The following ASXL3 variants were observed in gnomAD, a reference collection of about 807,000 sequenced individuals.
ASXL3 encodes putative Polycomb group protein ASXL3.
A neutral mutation model predicts 170.6 loss-of-function variants in ASXL3; 34 were observed. That is an observed-to-expected ratio of 0.20 (90% CI 0.15 to 0.27). The LOEUF (loss-of-function observed/expected upper bound fraction) is 0.27, where lower values mean the gene tolerates loss of function less well. ASXL3 is among the 10% of genes least tolerant of loss of function. The probability of loss-of-function intolerance (pLI) is 1.00; values close to 1 mark genes in which losing one functional copy is unlikely to be tolerated. For missense variants in ASXL3, 2,592 were observed against 2,695.3 expected (o/e 0.96, Z 0.85); for synonymous variants, 1,002 against 989.1 (o/e 1.01, Z -0.24).
At position 33,738,897 on chromosome 18, in the gene ASXL3, A is replaced by G. The variant is rs1269210841; in HGVS notation, c.1493A>G (p.Asn498Ser). 12 of 1,613,548 alleles carry G rather than the reference A, an allele frequency of 7.4e-6. No individual in the cohort carries two copies. The highest frequency in any genetic ancestry group is 1.3e-5 in the African/African-American group (1 of 74,918). Residue 498 changes from asparagine to serine, a missense_variant, in exon 11 of 12, where the codon AAC (asparagine) becomes AGC (serine). By Grantham distance (46) the Asn-to-Ser change is conservative (BLOSUM62 1). Coordinates refer to ENST00000269197, the MANE Select transcript of ASXL3 (RefSeq NM_030632.3). Reference protein sequence around the residue: ...EEPQIAPPEDNLESCVMMNDV... With the variant: ...EEPQIAPPEDSLESCVMMNDV... ...CCCCAAATAGCACCTCCTGAAGATA[A>G]CTTGGAATCCTGTGTTATGATGAAT... is the stretch of plus-strand genomic sequence containing the variant.
chr18:33,626,416 C>G (rs12961600), intron 2 of ASXL3, among the ~76,000 whole-genome samples: 2 of 151,818 alleles, frequency 1.3e-5, no homozygotes, highest in African/African-American at 4.8e-5. Flanking sequence ...GGTAGTTAGA[C>G]TTATGAAAGT....
intron 8 of ASXL3, among the ~76,000 whole-genome samples, chr18:33,701,840 A>G (rs2066879696): frequency 6.6e-6 from 1 of 151,950 alleles, no homozygotes; most frequent in South Asian, 2.1e-4. Flanking sequence ...CACTTCTACT[A>G]CCCATAGTAG....
At chr18:33,620,822 A>C (rs377004078) in intron 2 of ASXL3, among the ~76,000 whole-genome samples, 1 of 152,108 alleles carries the variant, frequency 6.6e-6, no homozygotes, top group Non-Finnish European at 1.5e-5. Flanking sequence ...CCAACTTCCA[A>C]CCACCTAATT....
intron 1 of ASXL3, among the ~76,000 whole-genome samples, chr18:33,606,044 T>C (rs1315549248): frequency 6.6e-6 from 1 of 152,028 alleles, no homozygotes; most frequent in Non-Finnish European, 1.5e-5. Flanking sequence ...AAAACTTCTG[T>C]CAGCTTTTTG....
chr18:33,709,645 G>C (rs2067022579), intron 8 of ASXL3, among the ~76,000 whole-genome samples: 1 of 152,206 alleles, frequency 6.6e-6, no homozygotes, highest in Non-Finnish European at 1.5e-5. Context: ...TCCAAGTGCT[G>C]TTAATGTTCT....
intron 7 of ASXL3, among the ~76,000 whole-genome samples, chr18:33,681,026 A>C (rs554639212): frequency 3.1e-4 from 47 of 151,898 alleles, no homozygotes; most frequent in Admixed American, 1.5e-3. Flanking sequence ...TTTATTTGGA[A>C]ATTATAATTC....
intron 8 of ASXL3, among the ~76,000 whole-genome samples, chr18:33,701,496 G>A (rs1234043508): frequency 1.3e-5 from 2 of 152,140 alleles, no homozygotes; most frequent in East Asian, 3.9e-4. Context: ...CAGAGTATAA[G>A]TGTTACATTT....
chr18:33,731,936 G>A (rs1377195696), intron 8 of ASXL3, 32 bp from the exon 9 acceptor site: 4 of 1,581,588 alleles, frequency 2.5e-6, no homozygotes, highest in Non-Finnish European at 2.6e-6. Context: ...TATTCCTGAT[G>A]GAACCTTGTT....
chr18:33,727,544 A>G (rs1409231526), intron 8 of ASXL3, among the ~76,000 whole-genome samples: 1 of 152,144 alleles, frequency 6.6e-6, no homozygotes, highest in Admixed American at 6.5e-5. Context: ...TTTCTTTATT[A>G]GTGTTTATTT....
chr18:33,625,734 A>G (rs934332119), intron 2 of ASXL3: 1 of 152,134 alleles, frequency 6.6e-6, no homozygotes, highest in Non-Finnish European at 1.5e-5. Context: ...CACCAAGTGG[A>G]TATTTCCAAG....
At chr18:33,641,245 C>G (rs150749124) in intron 2 of ASXL3, among the ~76,000 whole-genome samples, 46 of 152,108 alleles carry the variant, frequency 3.0e-4, no homozygotes, top group Non-Finnish European at 5.4e-4. Context: ...TCACACAGCA[C>G]TGGGGCTCTG....
At chr18:33,700,602 A>C (rs1289388374) in intron 8 of ASXL3, among the ~76,000 whole-genome samples, 1 of 152,108 alleles carries the variant, frequency 6.6e-6, no homozygotes, top group African/African-American at 2.4e-5. Flanking sequence ...ATAGCAACTG[A>C]AAAGTGAGAA....
intron 5 of ASXL3, among the ~76,000 whole-genome samples, chr18:33,663,934 C>CATAT (rs78031625): frequency 2.6e-4 from 40 of 151,650 alleles, no homozygotes; most frequent in African/African-American, 8.7e-4. Context: ...GTATTAAATA[C>CATAT]ATATATATAT....
At chr18:33,708,157 C>A (rs2066994484) in intron 8 of ASXL3, among the ~76,000 whole-genome samples, 1 of 152,122 alleles carries the variant, frequency 6.6e-6, no homozygotes, top group Non-Finnish European at 1.5e-5. Flanking sequence ...AGTAAATATT[C>A]TATCTGATGC....
At chr18:33,667,449 C>T (rs539477023) in intron 5 of ASXL3, among the ~76,000 whole-genome samples, 3 of 152,254 alleles carry the variant, frequency 2.0e-5, no homozygotes, top group African/African-American at 7.2e-5. Context: ...CCTTGGCAAC[C>T]ATTTTGGAGT....
intron 8 of ASXL3, among the ~76,000 whole-genome samples, chr18:33,710,779 TATC>T (rs1330236826): frequency 2.6e-5 from 4 of 152,198 alleles, no homozygotes; most frequent in Admixed American, 2.0e-4. Flanking sequence ...TACATCAAGC[TATC>T]ATCTTTAAAC....
At chr18:33,646,395 A>G (rs2065914570) in intron 4 of ASXL3, 42 bp downstream of exon 4, 1 of 1,408,810 alleles carries the variant, frequency 7.1e-7, no homozygotes, top group Non-Finnish European at 9.9e-7. Flanking sequence ...TTGTTCTCTT[A>G]AAAGTTATAT....
At chr18:33,613,395 C>T (rs971252681) in intron 2 of ASXL3, among the ~76,000 whole-genome samples, 6 of 152,046 alleles carry the variant, frequency 3.9e-5, no homozygotes, top group East Asian at 3.9e-4. Flanking sequence ...TCCTCAAAAC[C>T]GACTGCAGTT....
chr18:33,730,104 T>G lies in ASXL3; in HGVS notation c.880-1864T>G, dbSNP rs118023681. 1.2e-3 allele frequency among the ~76,000 whole-genome samples: 190 copies of G among 152,246 alleles called. 4 individuals are homozygous for G. The East Asian group carries it at 0.033, about 27-fold the overall frequency. On this transcript the variant is annotated intron_variant, in intron 8 of 11. Transcript: ENST00000269197. ...TGCAGTTGTTCTCAACTAGGGATGA[T>G]TTTGCCTCCACAGGACATTTGGCCA...
Sources: gnomAD v4.1 joint callset for allele counts (sites outside exome capture counted in the v4.1 genomes callset) on GRCh38, gnomAD v4.1.1 for gene constraint, MANE v1.5 for transcripts, NCBI Gene and HGNC (gene_info 2026-07-23, HGNC 2026-07-21) for gene names.